The following CDH6 variants were observed in gnomAD, a reference collection of about 807,000 sequenced individuals.
CDH6 encodes cadherin-6.
Under a neutral mutation model 78.0 loss-of-function variants are expected in CDH6, and 31 were observed. The ratio of observed to expected loss-of-function variants is 0.40; its 90% CI spans 0.30 to 0.54. The LOEUF is 0.54. CDH6 is among the 20% of genes least tolerant of loss of function. The pLI is 0.56. For synonymous variants in CDH6, 376 were observed against 368.8 expected (o/e 1.02, Z -0.23); for missense variants, 724 against 975.9 (o/e 0.74, Z 3.44).
intron 1 of CDH6, among the ~76,000 whole-genome samples, chr5:31,197,412 G>T (rs114864900): frequency 0.017 from 2,629 of 152,172 alleles, 73 homozygotes; most frequent in African/African-American, 0.06. Context: ...TTTGGTGTCC[G>T]TCAGAATTAG....
chr5:31,299,582 G>A lies in CDH6; in HGVS notation c.762G>A (p.Val254=). 2 of 1,613,936 alleles carry A rather than the reference G, an allele frequency of 1.2e-6. No homozygotes were observed. Among genetic ancestry groups the A allele is most frequent in the South Asian group, 2.2e-5 (2 of 91,048 alleles). ...QMGGLSGTTT[V]NITLTDVNDN... ...GAGGATTATCTGGGACCACCACCGT[G>A]AACATCACACTGACTGATGTCAACG... Residue 254 remains valine (V), a synonymous_variant, in exon 5 of 12, where the codon GTG becomes GTA. Transcript: ENST00000265071.
At chr5:31,315,208 T>C (rs1415009021) in intron 8 of CDH6, among the ~76,000 whole-genome samples, 7 of 152,190 alleles carry the variant, frequency 4.6e-5, no homozygotes, top group African/African-American at 1.7e-4. Flanking sequence ...TTAATTTCTC[T>C]ATAGCACTTA....
intron 4 of CDH6, among the ~76,000 whole-genome samples, chr5:31,297,908 C>A (rs972419836): frequency 6.6e-6 from 1 of 152,110 alleles, no homozygotes; most frequent in African/African-American, 2.4e-5. Flanking sequence ...TCATGGAAAC[C>A]AATGTTGAGA....
chr5:31,315,039 T>A (rs187889769), intron 8 of CDH6, among the ~76,000 whole-genome samples: 1 of 152,162 alleles, frequency 6.6e-6, no homozygotes, highest in Non-Finnish European at 1.5e-5. Flanking sequence ...TCGGGGCCTT[T>A]GCATATACTG....
rs144499342 is a variant in CDH6, at chr5:31,248,829, G to T, written c.-128-18517G>T. Among the ~76,000 whole-genome samples, 4 of 152,238 alleles carry T rather than the reference G, an allele frequency of 2.6e-5. No individual in the cohort carries two copies. The East Asian group carries it at 7.7e-4, about 29-fold the overall frequency. On this transcript the variant is annotated intron_variant, in intron 1 of 11. Transcript: ENST00000265071. The stretch of plus-strand genomic sequence containing the variant: ...GAAAAGGATTTATGTTGGCCCTTTG[G>T]CAGGCAATTTGAGGAAAAATTCTAA...
At position 31,326,677 on chromosome 5, in the gene CDH6, TA is replaced by T. The variant is rs66686653; in HGVS notation, c.*3373del. On this transcript the variant is annotated 3_prime_UTR_variant, in exon 12 of 12. Transcript: ENST00000265071. ...TCCCAAAGAGTTGTGCAGAAAATCTTAAAATTTTTTTTTTTTTTTTTTTTTT... is the reference window on the plus strand; with the variant it reads ...TCCCAAAGAGTTGTGCAGAAAATCTTAAATTTTTTTTTTTTTTTTTTTTTT... 0.012 allele frequency: 1,723 copies of T among 146,598 alleles called. 151 individuals are homozygous for T. Among genetic ancestry groups the T allele is most frequent in the Middle Eastern group, 0.038 (13 of 342 alleles). 9.1% of individuals were successfully genotyped at this position (146,598 alleles called of 1,614,324 possible). A position where few individuals can be genotyped will look rare whatever the true frequency, so the allele number is the denominator to read the frequency against.
At chr5:31,273,043 TAAAC>T (rs796476018) in intron 2 of CDH6, among the ~76,000 whole-genome samples, 18 of 152,292 alleles carry the variant, frequency 1.2e-4, no homozygotes, top group African/African-American at 4.3e-4. Flanking sequence ...TCAAGATAAT[TAAAC>T]AGTAACGTTT....
At chr5:31,272,917 A>T (rs1468761149) in intron 2 of CDH6, among the ~76,000 whole-genome samples, 3 of 152,220 alleles carry the variant, frequency 2.0e-5, no homozygotes, top group Non-Finnish European at 4.4e-5. Context: ...TATTTTTTTA[A>T]AAACATTATG....
intron 1 of CDH6, among the ~76,000 whole-genome samples, chr5:31,213,796 T>C (rs1341278308): frequency 6.6e-6 from 1 of 152,122 alleles, no homozygotes; most frequent in African/African-American, 2.4e-5. Flanking sequence ...CCTATCTGAT[T>C]TGTCAATTAC....
At chr5:31,197,305 A>G (rs1188128408) in intron 1 of CDH6, among the ~76,000 whole-genome samples, 1 of 152,192 alleles carries the variant, frequency 6.6e-6, no homozygotes, top group Non-Finnish European at 1.5e-5. Flanking sequence ...TTCCAATTTA[A>G]AAATCTGTTC....
chr5:31,293,022 A>G (rs892875863), intron 2 of CDH6, among the ~76,000 whole-genome samples: 5 of 152,060 alleles, frequency 3.3e-5, no homozygotes, highest in African/African-American at 1.2e-4. Flanking sequence ...CTGGGAAAGG[A>G]AACATGGACT....
intron 1 of CDH6, among the ~76,000 whole-genome samples, chr5:31,201,343 T>C (rs1740343516): frequency 6.6e-6 from 1 of 152,138 alleles, no homozygotes; most frequent in African/African-American, 2.4e-5. Flanking sequence ...TTGTAATGGA[T>C]TGATGGCAGT....
In CDH6 at chr5:31,299,819, T is replaced by C. The variant is rs529288494; in HGVS notation, c.811+188T>C. 1.8e-4 allele frequency among the ~76,000 whole-genome samples: 27 copies of C among 152,356 alleles called. No individual in the cohort carries two copies. The South Asian group carries it at 5.6e-3, about 32-fold the overall frequency. On this transcript the variant is annotated intron_variant, in intron 5 of 11. Transcript: ENST00000265071. The stretch of plus-strand genomic sequence containing the variant: ...AAATGTGAACATTTATGTTCCTCTA[T>C]TGGTAATTACCTGAGTGATTTCTGC...
chr5:31,302,982 AAG>A (rs921312123), intron 6 of CDH6, among the ~76,000 whole-genome samples: 4 of 151,894 alleles, frequency 2.6e-5, no homozygotes, highest in Non-Finnish European at 4.4e-5. Flanking sequence ...GAAAGAAAGA[AAG>A]AAAACCAATT....
intron 2 of CDH6, among the ~76,000 whole-genome samples, chr5:31,285,274 T>C (rs1742980925): frequency 1.3e-5 from 2 of 152,204 alleles, no homozygotes; most frequent in South Asian, 2.1e-4. Context: ...CTTGAAACCA[T>C]GCCATGTGCT....
intron 2 of CDH6, among the ~76,000 whole-genome samples, chr5:31,285,369 A>G (rs1267623035): frequency 6.6e-6 from 1 of 152,202 alleles, no homozygotes; most frequent in East Asian, 1.9e-4. Context: ...GAGCTTTCAC[A>G]TTCCCTGATT....
At chr5:31,293,371 A>T (rs1737469208) in intron 2 of CDH6, among the ~76,000 whole-genome samples, 1 of 152,202 alleles carries the variant, frequency 6.6e-6, no homozygotes, top group South Asian at 2.1e-4. Flanking sequence ...AATTTCATAA[A>T]TAAATAAATA....
chr5:31,302,387 A>C (rs1737789698), intron 6 of CDH6, 89 bp downstream of exon 6: 1 of 943,502 alleles, frequency 1.1e-6, no homozygotes, highest in Non-Finnish European at 1.6e-6. Flanking sequence ...ATCTCACATA[A>C]ACATTCCTTT....
At chr5:31,303,041 G>C (rs577570023) in intron 6 of CDH6, among the ~76,000 whole-genome samples, 8 of 152,038 alleles carry the variant, frequency 5.3e-5, no homozygotes, top group East Asian at 1.9e-4. Context: ...AACCTAAAAT[G>C]ATATGCATTC....
Sources: allele counts gnomAD v4.1 joint callset (sites outside exome capture counted in the v4.1 genomes callset), GRCh38; gene constraint gnomAD v4.1.1; transcripts MANE v1.5; gene names NCBI Gene and HGNC (gene_info 2026-07-23, HGNC 2026-07-21).